BCR: variants seen among roughly 807,000 people sequenced by gnomAD.
BCR encodes the protein breakpoint cluster region protein.
In BCR, 58 loss-of-function variants were observed where a neutral mutation model predicts 138.6. The observed-to-expected ratio is 0.42, with a 90% CI of 0.34 to 0.52. The LOEUF is 0.52. Ranked by LOEUF, BCR falls within the 20% of genes least tolerant of loss-of-function variation. The pLI is 0.06. For missense variants in BCR, 1,599 were observed against 1,727.2 expected (o/e 0.93, Z 1.32); for synonymous variants, 786 against 730.1 (o/e 1.08, Z -1.23).
At chr22:23,191,561 C>G (rs1472911726) in intron 1 of BCR, among the ~76,000 whole-genome samples, 1 of 152,190 alleles carries the variant, frequency 6.6e-6, no homozygotes, top group East Asian at 1.9e-4. Context: ...GTCTATCTGG[C>G]TTCCTTTTTA....
intron 14 of BCR, among the ~76,000 whole-genome samples, chr22:23,291,384 A>G (rs372502466): frequency 6.6e-6 from 1 of 151,596 alleles, no homozygotes; most frequent in Non-Finnish European, 1.5e-5. Flanking sequence ...TCACATTTAC[A>G]TTTCCTAAAA....
At chr22:23,208,968 T>C (rs1213380582) in intron 1 of BCR, among the ~76,000 whole-genome samples, 1 of 152,252 alleles carries the variant, frequency 6.6e-6, no homozygotes, top group African/African-American at 2.4e-5. Context: ...AGGTACTTCA[T>C]ATGAGTGGAT....
At chr22:23,229,303 A>G (rs1018782373) in intron 1 of BCR, among the ~76,000 whole-genome samples, 9 of 152,148 alleles carry the variant, frequency 5.9e-5, no homozygotes, top group Admixed American at 3.9e-4. Flanking sequence ...TAGCTGCTTT[A>G]AAGTCTTAGT....
chr22:23,229,015 T>A (rs2072923213), intron 1 of BCR, among the ~76,000 whole-genome samples: 1 of 152,198 alleles, frequency 6.6e-6, no homozygotes, highest in East Asian at 1.9e-4. Context: ...TCTTTTGATG[T>A]TGTTCCATAG....
intron 5 of BCR, among the ~76,000 whole-genome samples, chr22:23,269,802 G>A (rs2073488958): frequency 6.6e-6 from 1 of 152,220 alleles, no homozygotes; most frequent in Admixed American, 6.5e-5. Flanking sequence ...TGACAAATCA[G>A]GGACCTGATC....
chr22:23,197,383 C>T (rs1024102787), intron 1 of BCR, among the ~76,000 whole-genome samples: 1 of 152,160 alleles, frequency 6.6e-6, no homozygotes, highest in South Asian at 2.1e-4. Context: ...CAAGGTATGG[C>T]TTTATCTAAT....
chr22:23,256,162 G>A (rs2073292771), intron 2 of BCR, among the ~76,000 whole-genome samples: 1 of 152,204 alleles, frequency 6.6e-6, no homozygotes, highest in Admixed American at 6.5e-5. Flanking sequence ...CCCCCAGGGA[G>A]CATGGTGATC....
intron 1 of BCR, among the ~76,000 whole-genome samples, chr22:23,225,271 A>T (rs918594690): frequency 6.6e-6 from 1 of 151,700 alleles, no homozygotes; most frequent in East Asian, 1.9e-4. Context: ...TGGACCAGAG[A>T]CATCATCTGA....
At chr22:23,299,220 A>G (rs2073877839) in intron 16 of BCR, among the ~76,000 whole-genome samples, 1 of 150,846 alleles carries the variant, frequency 6.6e-6, no homozygotes, top group Non-Finnish European at 1.5e-5. Flanking sequence ...TCCTGACCTC[A>G]TGATCCGCCC....
At chr22:23,302,404 A>T (rs1395396706) in intron 16 of BCR, 1 of 152,238 alleles carries the variant, frequency 6.6e-6, no homozygotes, top group Non-Finnish European at 1.5e-5. Flanking sequence ...CACTCCCGGG[A>T]TGCTGCGGCT....
chr22:23,240,171 C>T (rs1317923934), intron 1 of BCR, among the ~76,000 whole-genome samples: 1 of 152,030 alleles, frequency 6.6e-6, no homozygotes. Context: ...CTCATTTTAA[C>T]TTGGTAAAGA....
chr22:23,302,140 C>A (rs1437846973), intron 16 of BCR, among the ~76,000 whole-genome samples: 2 of 152,060 alleles, frequency 1.3e-5, no homozygotes, highest in Non-Finnish European at 2.9e-5. Context: ...GGGGACCTGG[C>A]AAGTCATCCA....
intron 10 of BCR, among the ~76,000 whole-genome samples, chr22:23,286,563 A>T (rs1341975412): frequency 6.6e-6 from 1 of 152,086 alleles, no homozygotes; most frequent in African/African-American, 2.4e-5. Context: ...TTACTGTTGC[A>T]TTCTCCATGT....
At chr22:23,190,864 G>A (rs930906352) in intron 1 of BCR, among the ~76,000 whole-genome samples, 2 of 152,176 alleles carry the variant, frequency 1.3e-5, no homozygotes, top group Admixed American at 1.3e-4. Context: ...AAAAGTAGGG[G>A]TGGGAACAGG....
intron 1 of BCR, among the ~76,000 whole-genome samples, chr22:23,221,021 G>A (rs2072818824): frequency 6.6e-6 from 1 of 152,110 alleles, no homozygotes; most frequent in Non-Finnish European, 1.5e-5. Context: ...GAGAGGTGAT[G>A]GCCTCTTTGG....
intron 1 of BCR, among the ~76,000 whole-genome samples, chr22:23,186,809 C>G (rs757422051): frequency 1.1e-4 from 16 of 152,174 alleles, no homozygotes; most frequent in Admixed American, 5.2e-4. Context: ...CCAGTTCAAG[C>G]TTCAAGAGTC....
At chr22:23,274,739 C>T (rs192526661) in intron 8 of BCR, among the ~76,000 whole-genome samples, 270 of 152,072 alleles carry the variant, frequency 1.8e-3, no homozygotes, top group African/African-American at 6.4e-3. Context: ...GAAACCCCGT[C>T]TCTACTAAAA....
chr22:23,240,065 T>C (rs1031092003), intron 1 of BCR, among the ~76,000 whole-genome samples: 2 of 152,006 alleles, frequency 1.3e-5, no homozygotes, highest in African/African-American at 2.4e-5. Context: ...TGATCCTGCC[T>C]CCCAAAGTGC....
At position 23,290,433 on chromosome 22, in the gene BCR, G is replaced by A. The variant is rs2073772586; in HGVS notation, c.2782+20G>A. 1.2e-6 allele frequency: 2 copies of A among 1,611,742 alleles called. No individual in the cohort carries two copies. Among genetic ancestry groups the A allele is most frequent in the Non-Finnish European group, 1.7e-6 (2 of 1,177,820 alleles). Reference sequence around the variant, plus strand: ...GTTCAAGTAAGTACTGGTTTGGGGAGGAGGGTTGCAGCGGCCGAGCCAGGG... The same window carrying A: ...GTTCAAGTAAGTACTGGTTTGGGGAAGAGGGTTGCAGCGGCCGAGCCAGGG... On this transcript the variant is annotated intron_variant, in intron 14 of 22. Coordinates refer to ENST00000305877, the MANE Select transcript of BCR (RefSeq NM_004327.4).
Sources: gnomAD v4.1 joint callset for allele counts (sites outside exome capture counted in the v4.1 genomes callset) on GRCh38, gnomAD v4.1.1 for gene constraint, MANE v1.5 for transcripts, NCBI Gene and HGNC (gene_info 2026-07-23, HGNC 2026-07-21) for gene names.